The following KCNIP1 variants were observed in gnomAD, a reference collection of about 807,000 sequenced individuals.
KCNIP1 encodes potassium voltage-gated channel interacting protein 1.
KCNIP1 carries 18 observed loss-of-function variants against 33.0 expected under a neutral mutation model. The ratio of observed to expected loss-of-function variants is 0.55; its 90% CI spans 0.38 to 0.81. The LOEUF is 0.81. Among genes scored for constraint, KCNIP1 ranks in the 30% least tolerant of loss-of-function variants. KCNIP1 has a pLI of 0.00. For synonymous variants in KCNIP1, 93 were observed against 98.3 expected, an observed-to-expected ratio of 0.95 and a Z score of 0.32; for missense variants, 238 against 271.6, an observed-to-expected ratio of 0.88 and a Z score of 0.87.
At chr5:170,703,324 G>A (rs999066983) in intron 1 of KCNIP1, among the ~76,000 whole-genome samples, 2 of 138,394 alleles carry the variant, frequency 1.4e-5, no homozygotes, top group Non-Finnish European at 3.0e-5. Context: ...CTTGGTCTTA[G>A]TGTTGGAAAT....
intron 1 of KCNIP1, among the ~76,000 whole-genome samples, chr5:170,694,187 G>T (rs1294540620): frequency 6.6e-6 from 1 of 152,122 alleles, no homozygotes; most frequent in Non-Finnish European, 1.5e-5. Flanking sequence ...TAAGAAAGAT[G>T]ACTATTAAAA....
At chr5:170,354,826 G>C (rs1332440614) in intron 1 of KCNIP1, among the ~76,000 whole-genome samples, 2 of 151,978 alleles carry the variant, frequency 1.3e-5, no homozygotes, top group African/African-American at 2.4e-5. Context: ...TCAAGGGAGA[G>C]CAGCAGCATG....
At chr5:170,531,964 T>G (rs908410278) in intron 1 of KCNIP1, among the ~76,000 whole-genome samples, 4 of 152,194 alleles carry the variant, frequency 2.6e-5, no homozygotes, top group Non-Finnish European at 4.4e-5. Flanking sequence ...CTCAGCCTCT[T>G]TCAACTTCTT....
At chr5:170,697,093 A>G (rs1762923900) in intron 1 of KCNIP1, among the ~76,000 whole-genome samples, 1 of 151,142 alleles carries the variant, frequency 6.6e-6, no homozygotes, top group Admixed American at 6.6e-5. Context: ...TCTCACACAC[A>G]CATACACACA....
rs577726109 is a variant in KCNIP1 at position 170,484,665 on chromosome 5, G to A, written c.88+130701G>A. Among the ~76,000 whole-genome samples, 35 of 148,812 alleles carry A rather than the reference G, an allele frequency of 2.4e-4. No individual in the cohort carries two copies. In the East Asian group the frequency reaches 2.6e-3, roughly 11 times the overall value. On this transcript the variant is annotated intron_variant, in intron 1 of 7. Transcript: ENST00000377360. ...TCTCAACATGTCCTTCTCTCTACCC[G>A]TTTCCCCCTCCCCTTCTCTCTCTCC...
At chr5:170,361,024 A>G (rs1468306314) in intron 1 of KCNIP1, among the ~76,000 whole-genome samples, 1 of 152,230 alleles carries the variant, frequency 6.6e-6, no homozygotes, top group Non-Finnish European at 1.5e-5. Context: ...TGGATGAGAC[A>G]AGGGTCAGTG....
intron 1 of KCNIP1, among the ~76,000 whole-genome samples, chr5:170,635,629 T>A (rs1414928137): frequency 6.6e-6 from 1 of 152,272 alleles, no homozygotes; most frequent in African/African-American, 2.4e-5. Context: ...GCTGTCTCTA[T>A]CAGCCTCCCT....
intron 1 of KCNIP1, among the ~76,000 whole-genome samples, chr5:170,616,367 C>T (rs1048420586): frequency 6.6e-6 from 1 of 152,196 alleles, no homozygotes; most frequent in Non-Finnish European, 1.5e-5. Flanking sequence ...AGGGAAAAGG[C>T]ATCCCATCTC....
At chr5:170,727,198 C>A (rs527702721) in intron 5 of KCNIP1, among the ~76,000 whole-genome samples, 1 of 152,170 alleles carries the variant, frequency 6.6e-6, no homozygotes, top group South Asian at 2.1e-4. Flanking sequence ...TGAAGCCAGA[C>A]GCAAATGAGT....
intron 1 of KCNIP1, among the ~76,000 whole-genome samples, chr5:170,408,960 C>T (rs1010054834): frequency 6.6e-6 from 1 of 152,186 alleles, no homozygotes; most frequent in African/African-American, 2.4e-5. Flanking sequence ...CAATAGCACA[C>T]ACTCCCCAGG....
chr5:170,588,742 G>A (rs758640395), intron 1 of KCNIP1, among the ~76,000 whole-genome samples: 8 of 152,104 alleles, frequency 5.3e-5, no homozygotes, highest in Admixed American at 3.9e-4. Context: ...CCTGTGATTC[G>A]GTCTGGCTGT....
At chr5:170,596,627 T>G (rs968602113) in intron 1 of KCNIP1, among the ~76,000 whole-genome samples, 2 of 152,226 alleles carry the variant, frequency 1.3e-5, no homozygotes, top group African/African-American at 4.8e-5. Context: ...GCCAAACCAC[T>G]GGGGGCCAGT....
intron 1 of KCNIP1, among the ~76,000 whole-genome samples, chr5:170,367,393 GA>G (rs1763704258): frequency 8.3e-6 from 1 of 120,482 alleles, no homozygotes; most frequent in East Asian, 2.3e-4. Flanking sequence ...AAGAAAGAAA[GA>G]AAGAAAGAAA....
chr5:170,385,379 CA>C (rs1329143845), intron 1 of KCNIP1: 1 of 1,614,090 alleles, frequency 6.2e-7, no homozygotes. Flanking sequence ...CACACACCAC[CA>C]TGGTTACACC....
chr5:170,479,636 C>T (rs1756931011), intron 1 of KCNIP1, among the ~76,000 whole-genome samples: 1 of 152,198 alleles, frequency 6.6e-6, no homozygotes, highest in Middle Eastern at 3.4e-3. Context: ...GTATCTGTCC[C>T]TTCTGCTTTT....
At chr5:170,399,308 G>C (rs894186957) in intron 1 of KCNIP1, among the ~76,000 whole-genome samples, 1 of 152,132 alleles carries the variant, frequency 6.6e-6, no homozygotes, top group Non-Finnish European at 1.5e-5. Flanking sequence ...TTAGAATTTG[G>C]CTATTTTCAG....
intron 1 of KCNIP1, among the ~76,000 whole-genome samples, chr5:170,611,978 A>T (rs980049916): frequency 6.6e-6 from 1 of 152,240 alleles, no homozygotes; most frequent in African/African-American, 2.4e-5. Flanking sequence ...TGAATGAAAT[A>T]GACAGAAGTA....
chr5:170,488,486 T>C (rs1234693338), intron 1 of KCNIP1, among the ~76,000 whole-genome samples: 1 of 152,232 alleles, frequency 6.6e-6, no homozygotes, highest in African/African-American at 2.4e-5. Context: ...CAAAACAAAG[T>C]AACATACGGT....
intron 1 of KCNIP1, chr5:170,378,813 G>C: frequency 6.2e-7 from 1 of 1,614,240 alleles, no homozygotes; most frequent in Non-Finnish European, 8.5e-7. Flanking sequence ...GAAGAGGAGG[G>C]CCTGGGGCCC....
Sources: allele counts gnomAD v4.1 joint callset (sites outside exome capture counted in the v4.1 genomes callset), GRCh38; gene constraint gnomAD v4.1.1; transcripts MANE v1.5; gene names NCBI Gene and HGNC (gene_info 2026-07-23, HGNC 2026-07-21).